PARD3B: variants seen among roughly 807,000 people sequenced by gnomAD.
The protein encoded by PARD3B is par-3 family cell polarity regulator beta.
A neutral mutation model predicts 130.2 loss-of-function variants in PARD3B; 103 were observed. That is an observed-to-expected ratio of 0.79 (90% confidence interval 0.67 to 0.93). PARD3B has a LOEUF of 0.93. Ranked by LOEUF, PARD3B falls within the 40% of genes least tolerant of loss-of-function variation. PARD3B has a pLI of 0.00. For synonymous variants in PARD3B, 583 were observed against 553.2 expected, an observed-to-expected ratio of 1.05 and a Z score of -0.76; for missense variants, 1,609 against 1,499.2, an observed-to-expected ratio of 1.07 and a Z score of -1.21.
At chr2:204,912,249 A>T (rs1185502467) in intron 2 of PARD3B, among the ~76,000 whole-genome samples, 1 of 152,242 alleles carries the variant, frequency 6.6e-6, no homozygotes, top group African/African-American at 2.4e-5. Context: ...AAACTGCATG[A>T]AAATGCGTAA....
chr2:205,438,956 T>C (rs988667266), intron 19 of PARD3B, among the ~76,000 whole-genome samples: 2 of 152,172 alleles, frequency 1.3e-5, no homozygotes, highest in African/African-American at 4.8e-5. Flanking sequence ...TTCTTTTTGT[T>C]TTGTTTTTTG....
At chr2:205,376,579 G>T (rs961330989) in intron 18 of PARD3B, among the ~76,000 whole-genome samples, 2 of 152,212 alleles carry the variant, frequency 1.3e-5, no homozygotes, top group African/African-American at 4.8e-5. Flanking sequence ...AGGGGTAATG[G>T]TGGGGACTTT....
chr2:205,126,539 A>G (rs2031418745), intron 10 of PARD3B, among the ~76,000 whole-genome samples: 1 of 151,748 alleles, frequency 6.6e-6, no homozygotes, highest in Non-Finnish European at 1.5e-5. Flanking sequence ...CAGGAGATCG[A>G]GACCATCCTG....
At chr2:205,217,776 A>ATG (rs1480213666) in intron 15 of PARD3B, among the ~76,000 whole-genome samples, 1 of 147,890 alleles carries the variant, frequency 6.8e-6, no homozygotes, top group Non-Finnish European at 1.5e-5. Context: ...ATAAGTATAT[A>ATG]TGTATATATA....
At chr2:205,596,889 T>C (rs547381297) in intron 22 of PARD3B, among the ~76,000 whole-genome samples, 53 of 152,230 alleles carry the variant, frequency 3.5e-4, no homozygotes, top group South Asian at 2.1e-4. Flanking sequence ...GAAGCTGACA[T>C]GGAGATGAGA....
At chr2:205,133,475 A>T in intron 10 of PARD3B, among the ~76,000 whole-genome samples, 1 of 152,138 alleles carries the variant, frequency 6.6e-6, no homozygotes, top group East Asian at 1.9e-4. Context: ...AGAAATCTGT[A>T]TTGTAACAAG....
At chr2:204,972,454 G>A (rs1410544211) in intron 3 of PARD3B, among the ~76,000 whole-genome samples, 1 of 151,684 alleles carries the variant, frequency 6.6e-6, no homozygotes, top group African/African-American at 2.4e-5. Flanking sequence ...GTTAACTTTT[G>A]TATTTTAGTC....
At chr2:205,112,112 G>A (rs956543202) in intron 5 of PARD3B, among the ~76,000 whole-genome samples, 4 of 151,784 alleles carry the variant, frequency 2.6e-5, no homozygotes, top group Non-Finnish European at 5.9e-5. Context: ...GATTTGTTTT[G>A]TTTTTAGCTT....
At chr2:204,590,375 C>T (rs892407669) in intron 1 of PARD3B, among the ~76,000 whole-genome samples, 5 of 152,262 alleles carry the variant, frequency 3.3e-5, no homozygotes, top group East Asian at 1.9e-4. Flanking sequence ...AACACAGATG[C>T]GCAGTTTGTA....
At chr2:204,586,003 C>T (rs899395532) in intron 1 of PARD3B, among the ~76,000 whole-genome samples, 3 of 152,142 alleles carry the variant, frequency 2.0e-5, no homozygotes, top group African/African-American at 7.2e-5. Context: ...TTATAGTACA[C>T]TGCATTTTAT....
rs1452869815 is a variant in PARD3B at position 204,906,092 on chromosome 2, G to T, written c.223-59060G>T. Among the ~76,000 whole-genome samples, 3 of 152,102 alleles carry T rather than the reference G, an allele frequency of 2.0e-5. No homozygotes were observed. Among genetic ancestry groups the T allele is most frequent in the Non-Finnish European group, 4.4e-5 (3 of 68,004 alleles). ...TTTGCTAAATAATGGCTTATTAAAG[G>T]GTTCCTGATGGTAGTTTGTGATTGA... On this transcript the variant is annotated intron_variant, in intron 2 of 22. Transcript: ENST00000406610. The surrounding 1 kb of genome is among the most constrained non-coding windows in gnomAD (Gnocchi z 4.3).
chr2:204,635,613 T>C (rs1432481629), intron 1 of PARD3B, among the ~76,000 whole-genome samples: 3 of 152,146 alleles, frequency 2.0e-5, no homozygotes, highest in Non-Finnish European at 4.4e-5. Flanking sequence ...AAATTAACTC[T>C]CAATGATGGA....
At chr2:204,692,026 G>A (rs1446529414) in intron 2 of PARD3B, among the ~76,000 whole-genome samples, 5 of 152,074 alleles carry the variant, frequency 3.3e-5, no homozygotes, top group African/African-American at 7.2e-5. Flanking sequence ...ACTGGTTTGC[G>A]CAATGCTGCA....
At chr2:205,095,604 T>C (rs1702347970) in intron 4 of PARD3B, among the ~76,000 whole-genome samples, 1 of 152,128 alleles carries the variant, frequency 6.6e-6, no homozygotes, top group Non-Finnish European at 1.5e-5. Context: ...ATGAGATGGA[T>C]GAATGTGTTT....
At chr2:205,111,814 A>T (rs956499690) in intron 5 of PARD3B, among the ~76,000 whole-genome samples, 2 of 152,108 alleles carry the variant, frequency 1.3e-5, no homozygotes, top group African/African-American at 4.8e-5. Context: ...GTGACTAAGC[A>T]AAGCTTGAAT....
rs1239194084 is a variant in PARD3B at position 204,558,149 on chromosome 2, C to T, written c.120+12030C>T. ...GACAGGCCGGTTAAAAAGGTTTTCT[C>T]TCAGTTTAGTCTCTATCAGATGCAG... On this transcript the variant is annotated intron_variant, in intron 1 of 22. Transcript: ENST00000406610. The T allele has an allele frequency of 5.3e-5, 8 of 152,162 alleles. No individual in the cohort carries two copies. In the East Asian group the frequency reaches 1.2e-3, roughly 22 times the overall value. 9.4% of individuals were successfully genotyped at this position (152,162 alleles called of 1,614,324 possible). A position where few individuals can be genotyped will look rare whatever the true frequency, so the allele number is the denominator to read the frequency against.
At chr2:205,532,525 C>T (rs1190116372) in intron 21 of PARD3B, among the ~76,000 whole-genome samples, 1 of 152,180 alleles carries the variant, frequency 6.6e-6, no homozygotes, top group Non-Finnish European at 1.5e-5. Flanking sequence ...TGGCAAAACA[C>T]TGTTACAAGC....
intron 2 of PARD3B, among the ~76,000 whole-genome samples, chr2:204,840,286 G>A (rs11675827): frequency 3.5e-3 from 530 of 152,186 alleles, no homozygotes; most frequent in Non-Finnish European, 6.0e-3. Flanking sequence ...AGAAATAATT[G>A]AATGACCCTT....
At chr2:204,671,763 A>G (rs2036312312) in intron 1 of PARD3B, among the ~76,000 whole-genome samples, 2 of 152,152 alleles carry the variant, frequency 1.3e-5, no homozygotes, top group Non-Finnish European at 2.9e-5. Context: ...ATATTTCTGT[A>G]TCTGCAGTTT....
Sources: gnomAD v4.1 joint callset for allele counts (sites outside exome capture counted in the v4.1 genomes callset) on GRCh38, gnomAD v4.1.1 for gene constraint, Gnocchi (gnomAD v3.1) non-coding constraint, MANE v1.5 for transcripts, NCBI Gene and HGNC (gene_info 2026-07-23, HGNC 2026-07-21) for gene names.